The following MEI4 variants were observed in gnomAD, a reference collection of about 807,000 sequenced individuals.
MEI4 encodes the protein meiosis-specific protein MEI4.
MEI4 carries 27 observed loss-of-function variants against 31.4 expected under a neutral mutation model. That is an observed-to-expected ratio of 0.86 (90% confidence interval 0.63 to 1.19). The LOEUF is 1.19. Ranked by LOEUF, MEI4 falls within the 50% of genes most tolerant of loss-of-function variation. The pLI, the probability that MEI4 is intolerant of heterozygous loss-of-function variation, is 0.00. For missense variants in MEI4, 329 were observed against 398.9 expected, an observed-to-expected ratio of 0.82 and a Z score of 1.49; for synonymous variants, 122 against 145.4, an observed-to-expected ratio of 0.84 and a Z score of 1.16.
intron 2 of MEI4, among the ~76,000 whole-genome samples, chr6:77,747,572 A>G (rs1234879125): frequency 1.3e-5 from 2 of 152,146 alleles, no homozygotes; most frequent in East Asian, 1.9e-4. Context: ...AACCACCCCT[A>G]TGATCCAGTC....
chr6:77,835,467 A>T (rs967894668), intron 4 of MEI4, among the ~76,000 whole-genome samples: 1 of 151,836 alleles, frequency 6.6e-6, no homozygotes, highest in Non-Finnish European at 1.5e-5. Flanking sequence ...AAAAATGGGG[A>T]GAAACCTAAA....
Position 77,806,696 on chromosome 6 carries a change from C to T in MEI4, c.769-22235C>T, listed in dbSNP as rs117416583. The stretch of plus-strand genomic sequence containing the variant: ...TATGGGTGCTTTGAGGTCATATTTA[C>T]TGAATGTCTTAGATCATTAATTTAA... On this transcript the variant is annotated intron_variant, in intron 3 of 4. Transcript: ENST00000684080. Among the ~76,000 whole-genome samples the T allele has an allele frequency of 5.3e-5, 8 of 152,234 alleles. No individual in the cohort carries two copies. In the East Asian group the frequency reaches 1.5e-3, roughly 29 times the overall value.
chr6:77,824,873 G>T (rs1769906091), intron 3 of MEI4, among the ~76,000 whole-genome samples: 1 of 152,082 alleles, frequency 6.6e-6, no homozygotes, highest in Admixed American at 6.6e-5. Context: ...TCCTTCATTA[G>T]TAGGGCTATA....
intron 2 of MEI4, among the ~76,000 whole-genome samples, chr6:77,733,606 G>T (rs933232420): frequency 6.6e-5 from 10 of 151,942 alleles, no homozygotes; most frequent in East Asian, 5.8e-4. Context: ...TTTTTGAAGG[G>T]TTTTTTGTGC....
chr6:77,675,313 G>C (rs184710216), intron 1 of MEI4, among the ~76,000 whole-genome samples: 8 of 152,088 alleles, frequency 5.3e-5, no homozygotes, highest in African/African-American at 1.9e-4. Flanking sequence ...GTCTTGCCTA[G>C]GCTGTGGCTT....
chr6:77,870,394 G>T (rs778532232), intron 4 of MEI4, among the ~76,000 whole-genome samples: 3 of 152,150 alleles, frequency 2.0e-5, no homozygotes, highest in Non-Finnish European at 4.4e-5. Flanking sequence ...CATTTTGCAG[G>T]TTAGGTAGAC....
At chr6:77,683,706 A>G (rs560463578) in intron 1 of MEI4, among the ~76,000 whole-genome samples, 1 of 152,304 alleles carries the variant, frequency 6.6e-6, no homozygotes, top group South Asian at 2.1e-4. Flanking sequence ...CAGGTTCATT[A>G]ATGCTGAAAT....
At chr6:77,853,299 A>G (rs1043853401) in intron 4 of MEI4, among the ~76,000 whole-genome samples, 25 of 152,220 alleles carry the variant, frequency 1.6e-4, no homozygotes, top group African/African-American at 5.8e-4. Context: ...ATAGATTTAC[A>G]GAACATCAAG....
chr6:77,754,298 A>G (rs981364559), intron 2 of MEI4, among the ~76,000 whole-genome samples: 2 of 152,168 alleles, frequency 1.3e-5, no homozygotes, highest in Non-Finnish European at 2.9e-5. Flanking sequence ...CAAACAAACA[A>G]GGCTCCAAAG....
At chr6:77,791,701 T>A (rs1320514215) in intron 3 of MEI4, among the ~76,000 whole-genome samples, 1 of 151,906 alleles carries the variant, frequency 6.6e-6, no homozygotes, top group Non-Finnish European at 1.5e-5. Context: ...AAGAAATATC[T>A]GTACATTGTG....
upstream of MEI4, among the ~76,000 whole-genome samples, chr6:77,652,695 C>T (rs980148393): frequency 6.6e-6 from 1 of 152,116 alleles, no homozygotes; most frequent in Non-Finnish European, 1.5e-5. Flanking sequence ...TATGTGCCAG[C>T]AGAGTGCCTA....
chr6:77,868,257 A>G (rs916863244), intron 4 of MEI4, among the ~76,000 whole-genome samples: 22 of 151,024 alleles, frequency 1.5e-4, no homozygotes, highest in African/African-American at 5.3e-4. Flanking sequence ...AAAAATGCCA[A>G]CAGCAAGAAA....
At chr6:77,796,880 A>C (rs1769091385) in intron 3 of MEI4, among the ~76,000 whole-genome samples, 1 of 152,224 alleles carries the variant, frequency 6.6e-6, no homozygotes, top group Admixed American at 6.5e-5. Context: ...AAGTAGCAGA[A>C]GCAATCTTGA....
intron 4 of MEI4, among the ~76,000 whole-genome samples, chr6:77,865,508 A>C (rs1221369718): frequency 1.3e-5 from 2 of 152,102 alleles, no homozygotes; most frequent in African/African-American, 4.8e-5. Flanking sequence ...CGACAAATAC[A>C]CTCTCCCAAG....
At chr6:77,719,510 C>T (rs1488813206) in intron 2 of MEI4, among the ~76,000 whole-genome samples, 2 of 60,432 alleles carry the variant, frequency 3.3e-5, no homozygotes, top group Admixed American at 4.0e-4. Flanking sequence ...TATCATCATC[C>T]CTTCTTCCTC....
chr6:77,903,002 G>T (rs9448244), intron 4 of MEI4, among the ~76,000 whole-genome samples: 12,079 of 152,022 alleles, frequency 0.079, 1,490 homozygotes, highest in African/African-American at 0.26. Context: ...AGATTTTGGG[G>T]GCTCACACCT....
At chr6:77,855,616 A>T (rs1276886488) in intron 4 of MEI4, among the ~76,000 whole-genome samples, 1 of 152,198 alleles carries the variant, frequency 6.6e-6, no homozygotes, top group East Asian at 1.9e-4. Context: ...TACTATTGAA[A>T]AGGTGATTCC....
chr6:77,703,762 T>C (rs1766271686), intron 2 of MEI4, among the ~76,000 whole-genome samples: 1 of 152,054 alleles, frequency 6.6e-6, no homozygotes. Context: ...GCTGGAAAAA[T>C]GTATAGTGTA....
At chr6:77,835,379 C>A (rs1156925086) in intron 4 of MEI4, among the ~76,000 whole-genome samples, 2 of 78,356 alleles carry the variant, frequency 2.6e-5, no homozygotes, top group African/African-American at 1.3e-4. Flanking sequence ...ACAAAACACA[C>A]ACACACACAC....
Sources: allele counts gnomAD v4.1 joint callset (sites outside exome capture counted in the v4.1 genomes callset), GRCh38; gene constraint gnomAD v4.1.1; transcripts MANE v1.5; gene names NCBI Gene and HGNC (gene_info 2026-07-23, HGNC 2026-07-21).